USH2A: variants seen among roughly 807,000 people sequenced by gnomAD.
USH2A encodes the protein Usher syndrome 2A (autosomal recessive, mild).
USH2A carries 443 observed loss-of-function variants against 538.9 expected under a neutral mutation model. The observed-to-expected ratio is 0.82, with a 90% CI of 0.76 to 0.89. USH2A has a LOEUF of 0.89. Among genes scored for constraint, USH2A ranks in the 40% least tolerant of loss-of-function variants. USH2A has a pLI of 0.00. For synonymous variants in USH2A, 2,413 were observed against 2,273.5 expected (o/e 1.06, Z -1.75); for missense variants, 6,633 against 6,324.8 (o/e 1.05, Z -1.65).
At chr1:215,902,586 T>C (rs934354774) in intron 38 of USH2A, among the ~76,000 whole-genome samples, 2 of 152,074 alleles carry the variant, frequency 1.3e-5, no homozygotes, top group African/African-American at 4.8e-5. Flanking sequence ...CATAAGTGCT[T>C]TGTAGAAAAA....
chr1:216,321,545 A>AT (rs912946439), intron 9 of USH2A, among the ~76,000 whole-genome samples: 1 of 152,290 alleles, frequency 6.6e-6, no homozygotes, highest in East Asian at 1.9e-4. Flanking sequence ...GAATCAAACT[A>AT]TTTTTTGTTT....
At chr1:215,835,189 A>G (rs959536289) in intron 47 of USH2A, among the ~76,000 whole-genome samples, 2 of 136,064 alleles carry the variant, frequency 1.5e-5, no homozygotes, top group East Asian at 2.2e-4. Flanking sequence ...AAAAAAAAAA[A>G]GCTGACTAAA....
At chr1:216,367,403 G>C (rs2038619339) in intron 3 of USH2A, among the ~76,000 whole-genome samples, 1 of 152,158 alleles carries the variant, frequency 6.6e-6, no homozygotes, top group South Asian at 2.1e-4. Context: ...TGACACTTCT[G>C]TCATATCATT....
In USH2A at chr1:216,017,104, G is replaced by C. The variant is rs141839393; in HGVS notation, c.6326-16542C>G. Among the ~76,000 whole-genome samples, 1,223 of 151,822 alleles carry C rather than the reference G, an allele frequency of 8.1e-3. 22 individuals carry two copies. The highest frequency in any genetic ancestry group is 0.028 in the African/African-American group (1,144 of 41,382). On this transcript the variant is annotated intron_variant, in intron 32 of 71. Coordinates refer to ENST00000307340, the MANE Select transcript of USH2A (RefSeq NM_206933.4). ...ATATTGAACCCAGGATTTTTTTCTTGGTTACTTTTATGATATAAAATGAGA... is the reference window on the plus strand; with the variant it reads ...ATATTGAACCCAGGATTTTTTTCTTCGTTACTTTTATGATATAAAATGAGA...
intron 38 of USH2A, among the ~76,000 whole-genome samples, chr1:215,904,119 T>C (rs1665572757): frequency 6.6e-6 from 1 of 152,118 alleles, no homozygotes; most frequent in Non-Finnish European, 1.5e-5. Context: ...GTCTCTCTTT[T>C]GATTATTTTT....
At chr1:215,968,815 C>G (rs1667423220) in intron 36 of USH2A, among the ~76,000 whole-genome samples, 1 of 152,106 alleles carries the variant, frequency 6.6e-6, no homozygotes. Context: ...GCATCGGGCT[C>G]TATTTAGATG....
At chr1:216,092,449 G>T (rs906739330) in intron 22 of USH2A, among the ~76,000 whole-genome samples, 1 of 152,166 alleles carries the variant, frequency 6.6e-6, no homozygotes, top group South Asian at 2.1e-4. Flanking sequence ...TAAATGTAAT[G>T]CCAATAGAAG....
At chr1:216,225,906 C>T (rs1000530342) in intron 14 of USH2A, among the ~76,000 whole-genome samples, 3 of 151,978 alleles carry the variant, frequency 2.0e-5, no homozygotes, top group Middle Eastern at 3.2e-3. Context: ...GCCTAGAGTG[C>T]GTGGCAGGCA....
rs1381871333 is a variant in USH2A, at chr1:215,766,749, G to A, written c.10979C>T (p.Ala3660Val). ...TGAAGTGCACCCAGCAGATGTACAA[G>A]CTGTAAGAGTGAAGCTGTAGTTGGT... is the stretch of plus-strand genomic sequence containing the variant. ...PYTNYSFTLT[A>V]CTSAGCTSSE... Residue 3660 changes from alanine (A) to valine (V), a missense_variant, in exon 56 of 72, where the codon GCT (alanine) becomes GTT (valine). Transcript: ENST00000307340. 6 of 1,613,526 alleles carry A rather than the reference G, an allele frequency of 3.7e-6. No homozygotes were observed. The highest frequency in any genetic ancestry group is 1.1e-5 in the South Asian group (1 of 91,084).
chr1:215,647,800 A>G (rs901777547), intron 66 of USH2A, 70 bp from the exon 67 acceptor site: 2 of 1,563,282 alleles, frequency 1.3e-6, no homozygotes, highest in African/African-American at 2.7e-5. Flanking sequence ...TTTTAAAACC[A>G]GTTCTATTTT....
chr1:216,085,484 G>A (rs1024042486), intron 24 of USH2A, among the ~76,000 whole-genome samples: 1 of 151,876 alleles, frequency 6.6e-6, no homozygotes, highest in Admixed American at 6.6e-5. Context: ...GGAGGAGAAG[G>A]TGCACTGAGG....
At chr1:215,769,111 A>G (rs1661212132) in intron 55 of USH2A, among the ~76,000 whole-genome samples, 1 of 152,246 alleles carries the variant, frequency 6.6e-6, no homozygotes, top group Admixed American at 6.5e-5. Context: ...GTTGCAGAAT[A>G]TTAATAAAAT....
intron 49 of USH2A, among the ~76,000 whole-genome samples, chr1:215,807,932 A>C (rs1662549429): frequency 6.6e-6 from 1 of 152,064 alleles, no homozygotes; most frequent in Admixed American, 6.6e-5. Context: ...GAGTATTCTA[A>C]CTCAGCAGCC....
intron 50 of USH2A, among the ~76,000 whole-genome samples, 192 bp from the exon 51 acceptor site, chr1:215,790,474 T>C (rs1040827545): frequency 1.6e-4 from 25 of 152,264 alleles, no homozygotes; most frequent in Middle Eastern, 3.4e-3. Context: ...CACTAGACAC[T>C]AATTAGGAAA....
intron 21 of USH2A, among the ~76,000 whole-genome samples, chr1:216,145,347 G>A (rs1382566678): frequency 6.6e-6 from 1 of 152,174 alleles, no homozygotes; most frequent in Non-Finnish European, 1.5e-5. Context: ...CTCCTTGGGG[G>A]ATCCAGGGGC....
rs1380576377 is a variant in USH2A, at chr1:216,074,115, A to G, written c.5573-815T>C. On this transcript the variant is annotated intron_variant, in intron 27 of 71. Transcript: ENST00000307340. ...CTGTGAAGTTTAACAGAGAATGCGG[A>G]TGAAATGAATTTAGAGTATTCACCA... is the stretch of plus-strand genomic sequence containing the variant. Among the ~76,000 whole-genome samples, 8 of 152,248 alleles carry G rather than the reference A, an allele frequency of 5.3e-5. No individual in the cohort carries two copies. In the East Asian group the frequency reaches 1.5e-3, roughly 29 times the overall value.
intron 40 of USH2A, among the ~76,000 whole-genome samples, chr1:215,895,124 C>G (rs1198649220): frequency 2.6e-5 from 4 of 152,160 alleles, no homozygotes; most frequent in Non-Finnish European, 5.9e-5. Flanking sequence ...TCATATCCAT[C>G]CTTGCAACTT....
intron 37 of USH2A, among the ~76,000 whole-genome samples, chr1:215,937,662 A>G (rs943659009): frequency 3.9e-5 from 6 of 152,142 alleles, no homozygotes; most frequent in African/African-American, 1.2e-4. Context: ...TAAACTTTCA[A>G]AAAGGTCAGC....
intron 32 of USH2A, among the ~76,000 whole-genome samples, chr1:216,037,428 C>G (rs567582488): frequency 2.6e-5 from 4 of 152,134 alleles, no homozygotes. Context: ...TTGCCATGAC[C>G]TTTGCTCTTG....
Sources: allele counts gnomAD v4.1 joint callset (sites outside exome capture counted in the v4.1 genomes callset), GRCh38; gene constraint gnomAD v4.1.1; transcripts MANE v1.5; gene names NCBI Gene and HGNC (gene_info 2026-07-23, HGNC 2026-07-21).